The following MIB1 variants were observed in gnomAD, a reference collection of about 807,000 sequenced individuals.
The protein encoded by MIB1 is MIB E3 ubiquitin protein ligase 1, also known as E3 ubiquitin-protein ligase MIB1.
In MIB1, 278 loss-of-function variants were observed where a neutral mutation model predicts 124.5. The observed-to-expected ratio is 2.23, with a 90% CI of 2.02 to 2.47. The LOEUF is 2.47. Among genes scored for constraint, MIB1 ranks in the 30% most tolerant of loss-of-function variants. The pLI is 0.00. For missense variants in MIB1, 957 were observed against 1,254.4 expected, an observed-to-expected ratio of 0.76 and a Z score of 3.58; for synonymous variants, 446 against 429.4, an observed-to-expected ratio of 1.04 and a Z score of -0.48.
chr18:21,814,078 A>G (rs867198231), intron 10 of MIB1, among the ~76,000 whole-genome samples: 13 of 152,072 alleles, frequency 8.5e-5, no homozygotes, highest in African/African-American at 3.1e-4. Flanking sequence ...TTTATAAAGT[A>G]CCTTCTTTTA....
chr18:21,738,781 T>C (rs1251093549), upstream of MIB1, among the ~76,000 whole-genome samples: 1 of 112,920 alleles, frequency 8.9e-6, no homozygotes, highest in South Asian at 2.9e-4. Flanking sequence ...CACTCCAGCC[T>C]GGGCCACAAA....
chr18:21,842,104 A>AG (rs2042095627), intron 13 of MIB1, among the ~76,000 whole-genome samples: 1 of 146,822 alleles, frequency 6.8e-6, no homozygotes, highest in Non-Finnish European at 1.5e-5. Context: ...AAAAAAAAAA[A>AG]AAAAAAAAAA....
rs1179498213 is a variant in MIB1 at position 21,865,035 on chromosome 18, A to C, written c.*369A>C. ...TTTGTGATCAGTTATCCTTCATTTCATCGTGGTTTTACACAGTGAGTTGAT... is the reference window on the plus strand; with the variant it reads ...TTTGTGATCAGTTATCCTTCATTTCCTCGTGGTTTTACACAGTGAGTTGAT... On this transcript the variant is annotated 3_prime_UTR_variant, in exon 21 of 21. Coordinates refer to ENST00000261537, the MANE Select transcript of MIB1 (RefSeq NM_020774.4). 1 of 159,572 alleles carries C rather than the reference A, an allele frequency of 6.3e-6. No homozygotes were observed. Among genetic ancestry groups the C allele is most frequent in the African/African-American group, 2.4e-5 (1 of 41,636 alleles). 9.9% of individuals were successfully genotyped at this position (159,572 alleles called of 1,614,324 possible). A position where few individuals can be genotyped will look rare whatever the true frequency, so the allele number is the denominator to read the frequency against.
intron 17 of MIB1, among the ~76,000 whole-genome samples, chr18:21,849,592 T>C (rs1017648533): frequency 1.4e-4 from 21 of 152,182 alleles, no homozygotes; most frequent in African/African-American, 5.1e-4. Context: ...ATTAATGTAC[T>C]GATTTGCTAA....
At chr18:21,727,970 G>A (rs1393868686) in intron 1 of MIB1, among the ~76,000 whole-genome samples, 1 of 152,176 alleles carries the variant, frequency 6.6e-6, no homozygotes, top group Non-Finnish European at 1.5e-5. Context: ...TGTGAGCAGA[G>A]AACCCAGCTA....
At chr18:21,773,905 T>G (rs2146417995) in intron 4 of MIB1, among the ~76,000 whole-genome samples, 177 bp downstream of exon 4, 1 of 152,366 alleles carries the variant, frequency 6.6e-6, no homozygotes, top group Non-Finnish European at 1.5e-5. Context: ...AATGTTTGAG[T>G]ACCTTACTAT....
chr18:21,808,043 A>C (rs567027538), intron 10 of MIB1, among the ~76,000 whole-genome samples: 2 of 152,296 alleles, frequency 1.3e-5, no homozygotes, highest in Admixed American at 1.3e-4. Context: ...GTATTCCAAA[A>C]CGTAAGGGCT....
In MIB1 at chr18:21,765,818, A is replaced by G. The variant is rs2146406697; in HGVS notation, c.276A>G (p.Pro92=). The G allele has an allele frequency of 6.2e-7, 1 of 1,614,190 alleles. No individual in the cohort carries two copies. The highest frequency in any genetic ancestry group is 1.1e-5 in the South Asian group (1 of 91,078). The change falls in exon 2 of 21, where the codon CCA becomes CCG. Residue 92 remains proline, a synonymous_variant. Transcript: ENST00000261537. ...TGTGTGATACCTGCCGCCAGCAACC[A>G]ATCATTGGCATTCGATGGAAGTGTG... ...GTMCDTCRQQ[P]IIGIRWKCAE...
intron 18 of MIB1, among the ~76,000 whole-genome samples, chr18:21,856,122 C>A (rs1350360608): frequency 6.6e-6 from 1 of 150,674 alleles, no homozygotes; most frequent in Non-Finnish European, 1.5e-5. Flanking sequence ...CCCAGCTACT[C>A]GGGAGGCTGA....
intron 18 of MIB1, among the ~76,000 whole-genome samples, chr18:21,854,058 A>G (rs867632532): frequency 1.2e-4 from 18 of 151,570 alleles, no homozygotes; most frequent in African/African-American, 2.7e-4. Context: ...CAGCTGGTCA[A>G]CTAAAGAAAG....
At position 21,819,608 on chromosome 18, in the gene MIB1, T is replaced by C; in HGVS notation, c.1791T>C (p.Phe597=). The change falls in exon 12 of 21, where the codon TTT becomes TTC. Residue 597 remains phenylalanine, a synonymous_variant. Transcript: ENST00000261537. ...ADVTITNNNG[F]NALHHAALRG... is the part of the protein sequence containing the mutation. ...TTACCATCACAAACAATAATGGATT[T>C]AATGCTCTGCATCATGCTGCACTAA... The C allele has an allele frequency of 6.2e-7, 1 of 1,611,430 alleles. No individual in the cohort carries two copies. The highest frequency in any genetic ancestry group is 8.5e-7 in the Non-Finnish European group (1 of 1,178,714).
chr18:21,747,692 T>C (rs1005463505), intron 1 of MIB1, among the ~76,000 whole-genome samples: 179 of 152,346 alleles, frequency 1.2e-3, no homozygotes, highest in African/African-American at 4.3e-3. Context: ...GTAAGTGTAA[T>C]GCTATCTTAA....
intron 10 of MIB1, among the ~76,000 whole-genome samples, chr18:21,812,820 T>C (rs1453393584): frequency 6.6e-6 from 1 of 152,180 alleles, no homozygotes; most frequent in Non-Finnish European, 1.5e-5. Flanking sequence ...TCCTTGAAAT[T>C]CTCTTTTGGC....
intron 11 of MIB1, among the ~76,000 whole-genome samples, chr18:21,818,841 A>C (rs1025520958): frequency 1.3e-5 from 2 of 152,152 alleles, no homozygotes; most frequent in Admixed American, 1.3e-4. Context: ...AGGCTGAGGC[A>C]GGAGAATCGC....
intron 1 of MIB1, among the ~76,000 whole-genome samples, chr18:21,758,772 A>G (rs1802487964): frequency 6.6e-6 from 1 of 152,118 alleles, no homozygotes; most frequent in Non-Finnish European, 1.5e-5. Flanking sequence ...TGACCTCGTG[A>G]TCCACCCGCC....
At chr18:21,781,500 G>A (rs1305322697) in intron 6 of MIB1, among the ~76,000 whole-genome samples, 1 of 149,552 alleles carries the variant, frequency 6.7e-6, no homozygotes, top group Non-Finnish European at 1.5e-5. Flanking sequence ...TGCAACCTCC[G>A]TCTCCCAGGT....
At chr18:21,767,447 G>A (rs551234369) in intron 2 of MIB1, among the ~76,000 whole-genome samples, 3 of 152,274 alleles carry the variant, frequency 2.0e-5, no homozygotes, top group Non-Finnish European at 2.9e-5. Context: ...TCCCTCCCTC[G>A]ACGTGTGGGA....
chr18:21,776,541 C>T (rs2041289883), intron 4 of MIB1, among the ~76,000 whole-genome samples: 1 of 152,216 alleles, frequency 6.6e-6, no homozygotes, highest in South Asian at 2.1e-4. Flanking sequence ...TCACAGTATA[C>T]ACAAGGTTCT....
intron 4 of MIB1, among the ~76,000 whole-genome samples, chr18:21,775,152 A>C (rs2041268843): frequency 6.6e-6 from 1 of 151,406 alleles, no homozygotes; most frequent in Non-Finnish European, 1.5e-5. Context: ...TCACTGTGTT[A>C]GCCAGGATGG....
Sources: allele counts gnomAD v4.1 joint callset (sites outside exome capture counted in the v4.1 genomes callset), GRCh38; gene constraint gnomAD v4.1.1; transcripts MANE v1.5; gene names NCBI Gene and HGNC (gene_info 2026-07-23, HGNC 2026-07-21).